Variants in PTPRE observed in about 807,000 individuals in gnomAD.
PTPRE encodes the protein receptor-type tyrosine-protein phosphatase epsilon.
PTPRE carries 51 observed loss-of-function variants against 102.0 expected under a neutral mutation model. The observed-to-expected ratio is 0.50, with a 90% CI of 0.40 to 0.63. PTPRE has a LOEUF of 0.63. Ranked by LOEUF, PTPRE falls within the 30% of genes least tolerant of loss-of-function variation. PTPRE has a pLI of 0.00. For synonymous variants in PTPRE, 345 were observed against 348.2 expected (o/e 0.99, Z 0.10); for missense variants, 752 against 915.1 (o/e 0.82, Z 2.30).
chr10:128,040,476 A>G (rs1847587432), intron 2 of PTPRE, among the ~76,000 whole-genome samples: 1 of 152,076 alleles, frequency 6.6e-6, no homozygotes, highest in South Asian at 2.1e-4. Context: ...TGGGAGGGGT[A>G]GAGTTAGCAG....
chr10:128,042,051 C>T (rs1847740047), intron 3 of PTPRE, among the ~76,000 whole-genome samples: 1 of 152,146 alleles, frequency 6.6e-6, no homozygotes, highest in African/African-American at 2.4e-5. Context: ...ATCCAAAACC[C>T]CAAAAATGAG....
intron 1 of PTPRE, among the ~76,000 whole-genome samples, chr10:127,943,054 A>T (rs1056144237): frequency 2.0e-5 from 3 of 152,148 alleles, no homozygotes; most frequent in African/African-American, 4.8e-5. Context: ...CACTGTTTTC[A>T]TGTGTTTTAT....
Position 128,063,198 on chromosome 10 carries a change from G to C in PTPRE, c.723+18G>C, listed in dbSNP as rs1466020633. ...GGAAAGAGGTGAGTTCCAGGCATCT[G>C]GCCCCGGTATCACTTCCTTTCAGCT... On this transcript the variant is annotated intron_variant, in intron 10 of 20. Transcript: ENST00000254667. 1 of 1,613,508 alleles carries C rather than the reference G, an allele frequency of 6.2e-7. No individual in the cohort carries two copies. The highest frequency in any genetic ancestry group is 8.5e-7 in the Non-Finnish European group (1 of 1,179,714).
At chr10:127,962,604 A>T (rs1219724321) in intron 1 of PTPRE, among the ~76,000 whole-genome samples, 1 of 152,200 alleles carries the variant, frequency 6.6e-6, no homozygotes, top group Non-Finnish European at 1.5e-5. Flanking sequence ...TACTTGCACC[A>T]CAGAGGCCTC....
intron 1 of PTPRE, among the ~76,000 whole-genome samples, chr10:127,962,490 G>A (rs1473288461): frequency 6.6e-6 from 1 of 152,224 alleles, no homozygotes; most frequent in Non-Finnish European, 1.5e-5. Context: ...CCCCGGGGAA[G>A]CAGAGACCAC....
rs925111190 is a variant in PTPRE at position 128,061,091 on chromosome 10, G to A, written c.588+76G>A. ...GTAAGCACTTTCTTGTCTGGTGCCC[G>A]GAGTGTAAATTGTCACAACCTTTCT... On this transcript the variant is annotated intron_variant, in intron 8 of 20. Coordinates refer to ENST00000254667, the MANE Select transcript of PTPRE (RefSeq NM_006504.6). 39 of 1,441,696 alleles carry A rather than the reference G, an allele frequency of 2.7e-5. No homozygotes were observed. The East Asian group carries it at 3.2e-4, about 12-fold the overall frequency. 89.3% of individuals were successfully genotyped at this position (1,441,696 alleles called of 1,614,324 possible). A position where few individuals can be genotyped will look rare whatever the true frequency, so the allele number is the denominator to read the frequency against.
At chr10:128,082,637 C>T (rs1402392385) in intron 20 of PTPRE, among the ~76,000 whole-genome samples, 195 bp from the exon 21 acceptor site, 1 of 152,116 alleles carries the variant, frequency 6.6e-6, no homozygotes, top group East Asian at 1.9e-4. Flanking sequence ...CACTAACTGA[C>T]ACATTCTACG....
chr10:128,022,858 G>T (rs959473143), intron 2 of PTPRE, among the ~76,000 whole-genome samples: 4 of 152,184 alleles, frequency 2.6e-5, no homozygotes, highest in Non-Finnish European at 4.4e-5. Flanking sequence ...GAAAGAAACC[G>T]CCATCGCTGC....
rs558431488 is a variant in PTPRE, at chr10:127,946,565, G to A, written c.-30-35709G>A. 2.0e-4 allele frequency among the ~76,000 whole-genome samples: 23 copies of A among 112,642 alleles called. 3 individuals carry two copies. Among genetic ancestry groups the A allele is most frequent in the African/African-American group, 5.0e-4 (17 of 33,810 alleles). 73.9% of individuals were successfully genotyped at this position (112,642 alleles called of 152,430 possible). ...GCTGGCAGGGAGGGATTTCCACCCC[G>A]CATTGGTAAGAGAGAAGAGCAAGAT... On this transcript the variant is annotated intron_variant, in intron 1 of 20. Transcript: ENST00000254667.
At chr10:128,026,956 G>GT (rs1238170377) in intron 2 of PTPRE, among the ~76,000 whole-genome samples, 6 of 152,122 alleles carry the variant, frequency 3.9e-5, no homozygotes, top group African/African-American at 1.4e-4. Context: ...TTGAGCTTTT[G>GT]TTTTTCTCCA....
intron 1 of PTPRE, among the ~76,000 whole-genome samples, chr10:127,967,642 T>G (rs1055709166): frequency 6.6e-6 from 1 of 152,232 alleles, no homozygotes; most frequent in Non-Finnish European, 1.5e-5. Context: ...GAAAATGGAC[T>G]AACACACAAA....
intron 1 of PTPRE, among the ~76,000 whole-genome samples, chr10:127,927,017 G>A (rs1847071339): frequency 6.6e-6 from 1 of 151,666 alleles, no homozygotes; most frequent in Non-Finnish European, 1.5e-5. Context: ...TCACTGTGTT[G>A]GCCAGGCCAG....
chr10:127,967,475 C>A (rs1250893457), intron 1 of PTPRE, among the ~76,000 whole-genome samples: 2 of 152,200 alleles, frequency 1.3e-5, no homozygotes, highest in Admixed American at 6.5e-5. Flanking sequence ...CCCCTGCACA[C>A]ACACTCTTGC....
At chr10:127,997,224 A>C (rs896307344) in intron 2 of PTPRE, among the ~76,000 whole-genome samples, 3 of 152,200 alleles carry the variant, frequency 2.0e-5, no homozygotes, top group African/African-American at 7.2e-5. Flanking sequence ...CCAGCTCTTA[A>C]GAGCATTTAT....
At chr10:128,082,059 C>T (rs1851754623) in intron 20 of PTPRE, among the ~76,000 whole-genome samples, 1 of 152,090 alleles carries the variant, frequency 6.6e-6, no homozygotes. Context: ...GAGGACCAGC[C>T]TATATATAAA....
At chr10:127,986,086 G>C (rs1244840563) in intron 2 of PTPRE, among the ~76,000 whole-genome samples, 1 of 152,070 alleles carries the variant, frequency 6.6e-6, no homozygotes, top group East Asian at 1.9e-4. Context: ...GCAAGACTCT[G>C]TCTCAAAAAT....
intron 11 of PTPRE, among the ~76,000 whole-genome samples, chr10:128,067,300 GCACACATGCACATTCACACATGTGCA>G (rs1393013916): frequency 7.8e-4 from 110 of 140,230 alleles, no homozygotes; most frequent in Non-Finnish European, 1.4e-3. Context: ...ACGCACAGAT[GCACACATGCACATTCACACATGTGCA>G]CACACATACA....
At chr10:128,067,227 C>A (rs554482245) in intron 11 of PTPRE, among the ~76,000 whole-genome samples, 2 of 151,940 alleles carry the variant, frequency 1.3e-5, no homozygotes, top group East Asian at 3.9e-4. Flanking sequence ...CACATGCACA[C>A]ACATGCACAC....
chr10:128,014,468 C>A (rs1845266962), intron 2 of PTPRE, among the ~76,000 whole-genome samples: 1 of 152,108 alleles, frequency 6.6e-6, no homozygotes. Flanking sequence ...CCCTGTTGGG[C>A]TGGGCCAAGC....
Sources: gnomAD v4.1 joint callset for allele counts (sites outside exome capture counted in the v4.1 genomes callset) on GRCh38, gnomAD v4.1.1 for gene constraint, MANE v1.5 for transcripts, NCBI Gene and HGNC (gene_info 2026-07-23, HGNC 2026-07-21) for gene names.